The following BMPR1B variants were observed in gnomAD, a reference collection of about 807,000 sequenced individuals.
The protein encoded by BMPR1B is bone morphogenetic protein receptor type 1B.
In BMPR1B, 12 loss-of-function variants were observed where a neutral mutation model predicts 59.1. The ratio of observed to expected loss-of-function variants is 0.20; its 90% confidence interval spans 0.13 to 0.33. The LOEUF is 0.33. Among genes scored for constraint, BMPR1B ranks in the 10% least tolerant of loss-of-function variants. The pLI, the probability that BMPR1B is intolerant of heterozygous loss-of-function variation, is 1.00. For missense variants in BMPR1B, 550 were observed against 610.9 expected, an observed-to-expected ratio of 0.90 and a Z score of 1.05; for synonymous variants, 237 against 207.3, an observed-to-expected ratio of 1.14 and a Z score of -1.23.
chr4:95,014,773 T>C lies in BMPR1B; in HGVS notation c.-18+18639T>C, dbSNP rs374655697. Among the ~76,000 whole-genome samples the C allele has an allele frequency of 2.6e-4, 39 of 152,298 alleles. No homozygotes were observed. The South Asian group carries it at 7.5e-3, about 29-fold the overall frequency. On this transcript the variant is annotated intron_variant, in intron 3 of 12. Coordinates refer to ENST00000515059, the MANE Select transcript of BMPR1B (RefSeq NM_001203.3). ...ATTTTTACTATGAGGGTTAATTTAC[T>C]ACCAAGGTCCTGATTTCAAGATTCG...
chr4:94,866,649 A>T (rs1726257369), intron 1 of BMPR1B, among the ~76,000 whole-genome samples: 1 of 151,756 alleles, frequency 6.6e-6, no homozygotes, highest in Non-Finnish European at 1.5e-5. Context: ...CAGTGGCATG[A>T]TCTCGGCTTA....
At chr4:94,814,829 T>C (rs1578675148) in intron 1 of BMPR1B, among the ~76,000 whole-genome samples, 1 of 152,194 alleles carries the variant, frequency 6.6e-6, no homozygotes, top group Non-Finnish European at 1.5e-5. Flanking sequence ...ACAGGATTAA[T>C]AGGAAACTAA....
At chr4:95,071,063 T>C (rs1363127452) in intron 3 of BMPR1B, among the ~76,000 whole-genome samples, 1 of 152,174 alleles carries the variant, frequency 6.6e-6, no homozygotes, top group African/African-American at 2.4e-5. Flanking sequence ...AAGTAAGATT[T>C]TTGGTATGTA....
At chr4:94,914,098 G>A (rs1336928132) in intron 2 of BMPR1B, among the ~76,000 whole-genome samples, 2 of 152,102 alleles carry the variant, frequency 1.3e-5, no homozygotes, top group Non-Finnish European at 2.9e-5. Flanking sequence ...ATACAGGCAG[G>A]TCATTAAAAG....
intron 1 of BMPR1B, among the ~76,000 whole-genome samples, chr4:94,872,314 G>A (rs1275315171): frequency 5.9e-5 from 9 of 152,090 alleles, no homozygotes; most frequent in Non-Finnish European, 2.9e-5. Context: ...AGTGCAAACT[G>A]GTTTTAAATA....
At chr4:94,967,890 AT>A (rs1730613749) in intron 2 of BMPR1B, among the ~76,000 whole-genome samples, 1 of 152,216 alleles carries the variant, frequency 6.6e-6, no homozygotes. Context: ...TAGAACTATA[AT>A]AGCTTAAAAT....
chr4:94,789,757 C>T (rs948753755), intron 1 of BMPR1B, among the ~76,000 whole-genome samples: 2 of 152,162 alleles, frequency 1.3e-5, no homozygotes, highest in Non-Finnish European at 1.5e-5. Flanking sequence ...CTTTTGCACT[C>T]ACCTAATATA....
At chr4:94,812,223 T>C (rs940390180) in intron 1 of BMPR1B, among the ~76,000 whole-genome samples, 3 of 152,204 alleles carry the variant, frequency 2.0e-5, no homozygotes, top group Admixed American at 2.0e-4. Context: ...CATACTGTTA[T>C]AGAAGAAGCA....
chr4:94,839,345 A>T (rs1047475812), intron 1 of BMPR1B, among the ~76,000 whole-genome samples: 1 of 145,086 alleles, frequency 6.9e-6, no homozygotes, highest in Non-Finnish European at 1.5e-5. Flanking sequence ...GATCTGTCTA[A>T]TGTTGACAGT....
At chr4:94,780,404 A>G (rs535195175) in intron 1 of BMPR1B, among the ~76,000 whole-genome samples, 13 of 152,256 alleles carry the variant, frequency 8.5e-5, no homozygotes, top group African/African-American at 2.9e-4. Flanking sequence ...TAGACTATAT[A>G]TTTATACATT....
intron 3 of BMPR1B, among the ~76,000 whole-genome samples, chr4:95,037,356 C>G (rs1226162749): frequency 1.3e-5 from 2 of 152,128 alleles, no homozygotes; most frequent in Non-Finnish European, 2.9e-5. Context: ...AGTATTTTCC[C>G]TGGTAGATGA....
chr4:95,005,255 T>C (rs1722738330), intron 3 of BMPR1B, among the ~76,000 whole-genome samples: 1 of 152,164 alleles, frequency 6.6e-6, no homozygotes, highest in Admixed American at 6.5e-5. Flanking sequence ...AATTTTAAAA[T>C]TTTGGTTATA....
At chr4:95,069,693 G>A (rs1728129170) in intron 3 of BMPR1B, among the ~76,000 whole-genome samples, 1 of 152,174 alleles carries the variant, frequency 6.6e-6, no homozygotes, top group South Asian at 2.1e-4. Flanking sequence ...TGAGGGCATG[G>A]AATCGTGTCT....
intron 1 of BMPR1B, among the ~76,000 whole-genome samples, chr4:94,775,697 G>A (rs1173853497): frequency 1.3e-5 from 2 of 152,210 alleles, no homozygotes; most frequent in African/African-American, 4.8e-5. Flanking sequence ...CACTATTGCA[G>A]AGCCTTAATT....
chr4:94,813,908 C>T (rs997847123), intron 1 of BMPR1B, among the ~76,000 whole-genome samples: 11 of 152,054 alleles, frequency 7.2e-5, no homozygotes, highest in Admixed American at 6.6e-4. Context: ...GAAACAATAT[C>T]AAAGCAAGGG....
At chr4:94,837,327 C>T (rs140474170) in intron 1 of BMPR1B, among the ~76,000 whole-genome samples, 4,474 of 130,570 alleles carry the variant, frequency 0.034, 79 homozygotes, top group Non-Finnish European at 0.042. Context: ...GAGGATGGCA[C>T]TGAATCTGTA....
chr4:94,875,385 A>G (rs986953982), intron 1 of BMPR1B, among the ~76,000 whole-genome samples: 6 of 152,136 alleles, frequency 3.9e-5, no homozygotes, highest in South Asian at 2.1e-4. Context: ...CATCTTTTCA[A>G]TTAATAATAA....
At chr4:94,923,449 T>C (rs867995367) in intron 2 of BMPR1B, among the ~76,000 whole-genome samples, 11 of 152,126 alleles carry the variant, frequency 7.2e-5, no homozygotes, top group South Asian at 4.1e-4. Context: ...GATTTACTTG[T>C]TGGTGAGGTG....
In BMPR1B at chr4:95,112,004, T is replaced by C. The variant is rs146234711; in HGVS notation, c.144-2716T>C. Among the ~76,000 whole-genome samples the C allele has an allele frequency of 2.9e-3, 446 of 152,178 alleles. 10 individuals are homozygous for C. The highest frequency in any genetic ancestry group is 5.1e-4 in the Non-Finnish European group (35 of 67,966). On this transcript the variant is annotated intron_variant, in intron 4 of 12. Transcript: ENST00000515059. Reference sequence around the variant, plus strand: ...AGTTAACATTATGTCAGAAGGCAGTTAGCACTGGTGACTGAATATCTTGTG... The same window carrying C: ...AGTTAACATTATGTCAGAAGGCAGTCAGCACTGGTGACTGAATATCTTGTG...
Sources: gnomAD v4.1 joint callset for allele counts (sites outside exome capture counted in the v4.1 genomes callset) on GRCh38, gnomAD v4.1.1 for gene constraint, MANE v1.5 for transcripts, NCBI Gene and HGNC (gene_info 2026-07-23, HGNC 2026-07-21) for gene names.